SH2D4A: variants seen among roughly 807,000 people sequenced by gnomAD.
SH2D4A encodes SH2 domain containing 4A.
Under a neutral mutation model 64.7 loss-of-function variants are expected in SH2D4A, and 70 were observed. The ratio of observed to expected loss-of-function variants is 1.08; its 90% CI spans 0.89 to 1.32. The LOEUF is 1.32. Among genes scored for constraint, SH2D4A ranks in the 40% most tolerant of loss-of-function variants. The pLI is 0.00. For synonymous variants in SH2D4A, 268 were observed against 200.7 expected, an observed-to-expected ratio of 1.34 and a Z score of -2.83; for missense variants, 706 against 540.1, an observed-to-expected ratio of 1.31 and a Z score of -3.04.
At chr8:19,337,134 G>A (rs2052457111) in intron 4 of SH2D4A, among the ~76,000 whole-genome samples, 1 of 152,106 alleles carries the variant, frequency 6.6e-6, no homozygotes, top group South Asian at 2.1e-4. Flanking sequence ...ATAGATGGGT[G>A]ACAGGTTTTT....
rs554962470 is a variant in SH2D4A at position 19,394,585 on chromosome 8, T to A, written c.1308T>A (p.Leu436=). The part of the protein sequence containing the change: ...EPITSLGKEL[L]LYPCGQQDQL... ...TCACTTCCCTGGGGAAGGAGCTCCTTCTCTATCCCTGTGGTCAGCAGGACC... is the reference window on the plus strand; with the variant it reads ...TCACTTCCCTGGGGAAGGAGCTCCTACTCTATCCCTGTGGTCAGCAGGACC... The change falls in exon 10 of 10, where the codon CTT becomes CTA. Residue 436 remains leucine (L), a synonymous_variant. Coordinates refer to ENST00000265807, the MANE Select transcript of SH2D4A (RefSeq NM_022071.4). The A allele has an allele frequency of 3.4e-5, 54 of 1,607,928 alleles. No homozygotes were observed. The South Asian group carries it at 5.3e-4, about 16-fold the overall frequency.
In SH2D4A at chr8:19,390,296, G is replaced by A. The variant is rs559572872; in HGVS notation, c.1049-3022G>A. Among the ~76,000 whole-genome samples the A allele has an allele frequency of 4.6e-5, 7 of 152,230 alleles. No individual in the cohort carries two copies. The East Asian group carries it at 9.7e-4, about 21-fold the overall frequency. On this transcript the variant is annotated intron_variant, in intron 8 of 9. Transcript: ENST00000265807. ...CACAGGAGGCTAAGGCATGAGAATC[G>A]CTTGAACCCAGGAGTCAGAAGTTGC...
At chr8:19,340,898 A>G (rs2052519775) in intron 4 of SH2D4A, among the ~76,000 whole-genome samples, 2 of 152,246 alleles carry the variant, frequency 1.3e-5, no homozygotes, top group African/African-American at 4.8e-5. Flanking sequence ...GCACCCAGTC[A>G]GGCTGATCTT....
rs547319849 is a variant in SH2D4A, at chr8:19,393,369, C to T, written c.1100C>T (p.Pro367Leu). 3.2e-4 allele frequency: 513 copies of T among 1,614,136 alleles called. 8 individuals carry two copies. The South Asian group carries it at 5.4e-3, about 17-fold the overall frequency. ...ANELLLSTGM[P>L]GSFLIRVSER... ...GAACTTCTTCTGAGCACAGGCATGC[C>T]CGGCAGTTTTCTCATCCGAGTCAGT... The change falls in exon 9 of 10, where the codon CCC becomes CTC. Residue 367 changes from proline (P) to leucine (L), a missense_variant. Pro to Leu is a moderately conservative substitution (Grantham distance 98). Transcript: ENST00000265807.
chr8:19,394,161 A>T (rs115782620), intron 9 of SH2D4A, among the ~76,000 whole-genome samples: 2,368 of 152,262 alleles, frequency 0.016, 81 homozygotes, highest in African/African-American at 0.054. Context: ...TGAAAATCTA[A>T]TGCTGCTACT....
At chr8:19,354,101 C>G (rs1403013753) in intron 4 of SH2D4A, among the ~76,000 whole-genome samples, 1 of 151,654 alleles carries the variant, frequency 6.6e-6, no homozygotes, top group Non-Finnish European at 1.5e-5. Context: ...AGTGATTCTC[C>G]TGTCTCAGCC....
At chr8:19,349,421 G>T (rs1272036099) in intron 4 of SH2D4A, among the ~76,000 whole-genome samples, 2 of 152,184 alleles carry the variant, frequency 1.3e-5, no homozygotes, top group African/African-American at 4.8e-5. Context: ...AAGATTGATA[G>T]AAATTAGAAA....
intron 4 of SH2D4A, among the ~76,000 whole-genome samples, chr8:19,348,102 T>G (rs1178200322): frequency 4.6e-5 from 7 of 152,156 alleles, no homozygotes; most frequent in African/African-American, 1.7e-4. Flanking sequence ...TGCGTGTGTG[T>G]GTGTATTTTT....
chr8:19,373,776 T>G (rs1192506068), intron 8 of SH2D4A, 116 bp downstream of exon 8: 2 of 1,329,276 alleles, frequency 1.5e-6, no homozygotes, highest in African/African-American at 3.0e-5. Context: ...AAAAGAGTCT[T>G]TCAGATTATT....
intron 5 of SH2D4A, among the ~76,000 whole-genome samples, chr8:19,358,144 A>G (rs2052823623): frequency 6.6e-6 from 1 of 152,216 alleles, no homozygotes; most frequent in Non-Finnish European, 1.5e-5. Flanking sequence ...TCTAAAGGAC[A>G]TTTTCATTAA....
chr8:19,366,431 T>G (rs2052995583), intron 7 of SH2D4A, among the ~76,000 whole-genome samples: 1 of 152,160 alleles, frequency 6.6e-6, no homozygotes, highest in Non-Finnish European at 1.5e-5. Flanking sequence ...CTGCGCCAGT[T>G]GACCAACCTC....
intron 3 of SH2D4A, 34 bp downstream of exon 3, chr8:19,333,148 G>C: frequency 6.3e-7 from 1 of 1,575,482 alleles, no homozygotes; most frequent in Non-Finnish European, 8.6e-7. Flanking sequence ...GAGACTTAAA[G>C]ACTCTCCAGA....
At chr8:19,388,627 C>T (rs2053430115) in intron 8 of SH2D4A, among the ~76,000 whole-genome samples, 1 of 152,206 alleles carries the variant, frequency 6.6e-6, no homozygotes, top group African/African-American at 2.4e-5. Flanking sequence ...ATTTTCCAGA[C>T]ACAGGAAGTT....
intron 8 of SH2D4A, among the ~76,000 whole-genome samples, chr8:19,390,358 G>A (rs188028527): frequency 1.8e-4 from 28 of 152,228 alleles, no homozygotes; most frequent in East Asian, 1.4e-3. Flanking sequence ...TGCAGCTTGA[G>A]TGACTGTTTA....
intron 4 of SH2D4A, among the ~76,000 whole-genome samples, chr8:19,339,203 C>CCTA (rs2052489056): frequency 6.6e-6 from 1 of 152,196 alleles, no homozygotes; most frequent in South Asian, 2.1e-4. Flanking sequence ...AAGGTCTAGT[C>CCTA]CTTCCACGTT....
chr8:19,375,475 A>C (rs529327741), intron 8 of SH2D4A: 9 of 152,206 alleles, frequency 5.9e-5, no homozygotes, highest in Middle Eastern at 3.4e-3. Context: ...TCACTCCACA[A>C]AGTTTTATGC....
chr8:19,382,684 G>C (rs962602940), intron 8 of SH2D4A, among the ~76,000 whole-genome samples: 1 of 152,110 alleles, frequency 6.6e-6, no homozygotes, highest in East Asian at 1.9e-4. Flanking sequence ...GCCATCATAA[G>C]TTGAGGAGCA....
At chr8:19,349,876 G>A (rs577719677) in intron 4 of SH2D4A, among the ~76,000 whole-genome samples, 8 of 152,290 alleles carry the variant, frequency 5.3e-5, no homozygotes, top group African/African-American at 1.9e-4. Context: ...GCTAACTTTT[G>A]TATTTTTAGT....
At position 19,396,001 on chromosome 8, in the gene SH2D4A, A is replaced by G. The variant is rs2053584014; in HGVS notation, c.*1359A>G. 6.6e-6 allele frequency: 1 copy of G among 152,086 alleles called. No individual in the cohort carries two copies. The highest frequency in any genetic ancestry group is 1.9e-4 in the East Asian group (1 of 5,158). The allele number at this position is 152,086 out of a possible 1,614,324, so 9.4% of individuals were successfully genotyped here. A position where few individuals can be genotyped will look rare whatever the true frequency, so the allele number is the denominator to read the frequency against. ...CCAGTTCTGTTTAGCCCTGGCACACATATTTGTCCCGTCAGGAATCTTATG... is the reference window on the plus strand; with the variant it reads ...CCAGTTCTGTTTAGCCCTGGCACACGTATTTGTCCCGTCAGGAATCTTATG... On this transcript the variant is annotated 3_prime_UTR_variant, in exon 10 of 10. Coordinates refer to ENST00000265807, the MANE Select transcript of SH2D4A (RefSeq NM_022071.4).
Sources: gnomAD v4.1 joint callset for allele counts (sites outside exome capture counted in the v4.1 genomes callset) on GRCh38, gnomAD v4.1.1 for gene constraint, MANE v1.5 for transcripts, NCBI Gene and HGNC (gene_info 2026-07-23, HGNC 2026-07-21) for gene names.